The following SMYD2 variants were observed in gnomAD, a reference collection of about 807,000 sequenced individuals.
The protein encoded by SMYD2 is SET and MYND domain containing 2.
Under a neutral mutation model 59.1 loss-of-function variants are expected in SMYD2, and 53 were observed. The observed-to-expected ratio is 0.90, with a 90% CI of 0.72 to 1.13. SMYD2 has a LOEUF of 1.13. Ranked by LOEUF, SMYD2 falls within the 50% of genes most tolerant of loss-of-function variation. The pLI is 0.00. For synonymous variants in SMYD2, 208 were observed against 198.8 expected, an observed-to-expected ratio of 1.05 and a Z score of -0.39; for missense variants, 494 against 544.7, an observed-to-expected ratio of 0.91 and a Z score of 0.93.
At chr1:214,286,071 AC>A (rs1287200559) in intron 1 of SMYD2, among the ~76,000 whole-genome samples, 3 of 152,202 alleles carry the variant, frequency 2.0e-5, no homozygotes, top group Non-Finnish European at 4.4e-5. Context: ...CAAAGCAGGG[AC>A]TTTGTGGCAG....
chr1:214,319,409 C>G (rs1657136054), intron 5 of SMYD2, among the ~76,000 whole-genome samples: 2 of 152,058 alleles, frequency 1.3e-5, no homozygotes, highest in South Asian at 4.1e-4. Context: ...ATAGGAGGGC[C>G]CTTTGTGATG....
Position 214,318,847 on chromosome 1 carries a change from A to G in SMYD2, c.410-12A>G. The G allele has an allele frequency of 6.2e-7, 1 of 1,613,334 alleles. No individual in the cohort carries two copies. ...CTTTCTACTGGGTGAATAATGGATT[A>G]TTTATCCACAGATCTGGATAAGTTA... On this transcript the variant is annotated splice_polypyrimidine_tract_variant and intron_variant, in intron 4 of 11. Transcript: ENST00000366957. The surrounding 1 kb of genome is among the most constrained non-coding windows in gnomAD (Gnocchi z 5.4).
chr1:214,335,450 A>T, intron 11 of SMYD2, among the ~76,000 whole-genome samples: 1 of 152,240 alleles, frequency 6.6e-6, no homozygotes, highest in Admixed American at 6.5e-5. Flanking sequence ...CGGCACCTGG[A>T]ACAGGTGATT....
rs550508013 is a variant in SMYD2, at chr1:214,294,026, C to T, written c.174-11161C>T. On this transcript the variant is annotated intron_variant, in intron 1 of 11. Transcript: ENST00000366957. ...ATATTATTTCCCAGTATGGCTGTAG[C>T]ACAGTACTTTTGTACCTAGCAAATA... Among the ~76,000 whole-genome samples the T allele has an allele frequency of 6.6e-5, 10 of 152,060 alleles. No homozygotes were observed. The East Asian group carries it at 1.7e-3, about 26-fold the overall frequency.
chr1:214,325,178 C>T (rs1470252470), intron 6 of SMYD2, among the ~76,000 whole-genome samples: 4 of 152,196 alleles, frequency 2.6e-5, no homozygotes, highest in African/African-American at 9.7e-5. Context: ...GGAGAATATG[C>T]TGAAGTAGTG....
At chr1:214,301,567 A>G (rs1360401054) in intron 1 of SMYD2, among the ~76,000 whole-genome samples, 2 of 61,454 alleles carry the variant, frequency 3.3e-5, no homozygotes, top group African/African-American at 1.9e-4. Context: ...ATAAGTCTTC[A>G]GTATTGAGAA....
At chr1:214,302,501 A>G (rs2102461567) in intron 1 of SMYD2, among the ~76,000 whole-genome samples, 1 of 152,284 alleles carries the variant, frequency 6.6e-6, no homozygotes, top group East Asian at 1.9e-4. Flanking sequence ...TCTGTCTCTC[A>G]CCAACTCCCT....
intron 1 of SMYD2, among the ~76,000 whole-genome samples, chr1:214,288,015 A>G (rs1269640392): frequency 6.6e-6 from 1 of 152,222 alleles, no homozygotes; most frequent in Non-Finnish European, 1.5e-5. Flanking sequence ...ATAGGGGCTC[A>G]GTGACCAAGC....
At chr1:214,334,402 G>A (rs1348835745) in intron 11 of SMYD2, 94 bp downstream of exon 11, 2 of 1,193,576 alleles carry the variant, frequency 1.7e-6, no homozygotes, top group Admixed American at 1.8e-5. Context: ...GGCTGAAGCA[G>A]TGGAGGGTGA....
intron 1 of SMYD2, among the ~76,000 whole-genome samples, chr1:214,285,638 A>G (rs879607570): frequency 6.6e-6 from 1 of 152,238 alleles, no homozygotes; most frequent in Non-Finnish European, 1.5e-5. Context: ...AGCTATCTGT[A>G]TGTTAGGTAA....
rs1657078159 is a variant in SMYD2 at position 214,315,896 on chromosome 1, A to G, written c.348+1024A>G. On this transcript the variant is annotated intron_variant, in intron 3 of 11. Transcript: ENST00000366957. The stretch of plus-strand genomic sequence containing the variant: ...CAGAGCAGGAGTTAACCAGAAATCA[A>G]CATGGTATATCAGCATCCAAGATGA... 1.3e-5 allele frequency among the ~76,000 whole-genome samples: 2 copies of G among 152,214 alleles called. 1 individual carries two copies. Among genetic ancestry groups the G allele is most frequent in the African/African-American group, 4.8e-5 (2 of 41,454 alleles).
At chr1:214,281,664 C>T (rs921187373) in intron 1 of SMYD2, among the ~76,000 whole-genome samples, 6 of 152,230 alleles carry the variant, frequency 3.9e-5, no homozygotes, top group Non-Finnish European at 8.8e-5. Context: ...CTGCACTGCA[C>T]GTTTTCAGAG....
At chr1:214,297,707 G>T (rs935629724) in intron 1 of SMYD2, among the ~76,000 whole-genome samples, 3 of 152,136 alleles carry the variant, frequency 2.0e-5, no homozygotes, top group Non-Finnish European at 4.4e-5. Context: ...TTTAAACAGG[G>T]CTTCATCCCC....
chr1:214,299,796 CAG>C (rs1251255466), intron 1 of SMYD2, among the ~76,000 whole-genome samples: 1 of 152,046 alleles, frequency 6.6e-6, no homozygotes, highest in Non-Finnish European at 1.5e-5. Context: ...TTAGTAGAGA[CAG>C]GGCTTCACCG....
chr1:214,329,011 A>G (rs1657307519), intron 7 of SMYD2, among the ~76,000 whole-genome samples: 1 of 152,220 alleles, frequency 6.6e-6, no homozygotes, highest in Non-Finnish European at 1.5e-5. Flanking sequence ...CTTTGTCGCC[A>G]TCTTCTGGAA....
chr1:214,292,846 T>C (rs1437677728), intron 1 of SMYD2, among the ~76,000 whole-genome samples: 1 of 152,144 alleles, frequency 6.6e-6, no homozygotes, highest in Non-Finnish European at 1.5e-5. Flanking sequence ...TCATTCTTCA[T>C]TCTTCCTATT....
intron 1 of SMYD2, among the ~76,000 whole-genome samples, chr1:214,283,455 C>T (rs1350402737): frequency 6.6e-6 from 1 of 152,046 alleles, no homozygotes; most frequent in Non-Finnish European, 1.5e-5. Context: ...TCTCTCTCCC[C>T]AAAGAATTAT....
rs900666078 is a variant in SMYD2, at chr1:214,312,099, C to A, written c.238-2663C>A. On this transcript the variant is annotated intron_variant, in intron 2 of 11. Transcript: ENST00000366957. This position sits in a 1 kb window ranked among gnomAD's most constrained non-coding sequence, Gnocchi z 4.1. ...TTTAGGCTTTGGCTAAAAACAGATT[C>A]TCTTCTCCCTTGTGCATATCTTGTC... Among the ~76,000 whole-genome samples, 18 of 152,220 alleles carry A rather than the reference C, an allele frequency of 1.2e-4. No individual in the cohort carries two copies. Among genetic ancestry groups the A allele is most frequent in the Non-Finnish European group, 2.4e-4 (16 of 68,022 alleles).
At chr1:214,328,043 A>G (rs1481375401) in intron 7 of SMYD2, among the ~76,000 whole-genome samples, 3 of 152,216 alleles carry the variant, frequency 2.0e-5, no homozygotes. Flanking sequence ...TTACTACCAA[A>G]ATGACCACAG....
Sources: allele counts gnomAD v4.1 joint callset (sites outside exome capture counted in the v4.1 genomes callset), GRCh38; gene constraint gnomAD v4.1.1; non-coding constraint Gnocchi (gnomAD v3.1); transcripts MANE v1.5; gene names NCBI Gene and HGNC (gene_info 2026-07-23, HGNC 2026-07-21).